RASA4B: variants seen among roughly 807,000 people sequenced by gnomAD.
RASA4B encodes the protein RAS p21 protein activator 4B.
Under a neutral mutation model 24.2 loss-of-function variants are expected in RASA4B, and 2 were observed. That is an observed-to-expected ratio of 0.08 (90% confidence interval 0.03 to 0.26). The LOEUF is 0.26. Ranked by LOEUF, RASA4B falls within the 10% of genes least tolerant of loss-of-function variation. RASA4B has a pLI of 1.00. For missense variants in RASA4B, 8 were observed against 277.2 expected (o/e 0.03, Z 6.90); for synonymous variants, 2 against 125.6 (o/e 0.02, Z 6.58).
intron 18 of RASA4B, among the ~76,000 whole-genome samples, chr7:102,487,418 A>G (rs1798761421): frequency 9.2e-5 from 2 of 21,794 alleles, no homozygotes; most frequent in Admixed American, 1.6e-3. Flanking sequence ...CCTCTATGCC[A>G]TCCCTCTAGT....
chr7:102,499,192 A>AG (rs1409912926), intron 8 of RASA4B, among the ~76,000 whole-genome samples: 2 of 88,060 alleles, frequency 2.3e-5, no homozygotes, highest in African/African-American at 3.0e-5. Context: ...CTCAAAAAAA[A>AG]AATATATATA....
chr7:102,502,694 A>T (rs1799362491), intron 6 of RASA4B, among the ~76,000 whole-genome samples: 2 of 127,694 alleles, frequency 1.6e-5, no homozygotes, highest in African/African-American at 5.1e-5. Context: ...GGGAAGGCAG[A>T]GCCTGCAGTG....
At chr7:102,485,955 A>AG (rs1798714164) in intron 18 of RASA4B, among the ~76,000 whole-genome samples, 4 of 149,514 alleles carry the variant, frequency 2.7e-5, no homozygotes, top group African/African-American at 7.3e-5. Context: ...CTCTTGGGCC[A>AG]GGGTGGGTCC....
At chr7:102,491,517 C>T (rs1798943369) in intron 16 of RASA4B, among the ~76,000 whole-genome samples, 1 of 56,516 alleles carries the variant, frequency 1.8e-5, no homozygotes, top group African/African-American at 3.0e-5. Flanking sequence ...CATGTAATCC[C>T]AGCATTTTGG....
At chr7:102,513,295 C>T (rs1471689770) in intron 1 of RASA4B, among the ~76,000 whole-genome samples, 1 of 148,978 alleles carries the variant, frequency 6.7e-6, no homozygotes, top group Non-Finnish European at 1.5e-5. Context: ...TACCTGGGGG[C>T]GGGGAGCATG....
chr7:102,504,428 CTT>C (rs1237744811), intron 5 of RASA4B, among the ~76,000 whole-genome samples: 1 of 115,000 alleles, frequency 8.7e-6, no homozygotes, highest in African/African-American at 2.9e-5. Context: ...ACTTAGAACT[CTT>C]TGTGGAAGAA....
chr7:102,495,655 TG>T (rs1176981707), intron 11 of RASA4B, among the ~76,000 whole-genome samples: 1 of 22,220 alleles, frequency 4.5e-5, no homozygotes, highest in African/African-American at 1.3e-4. Context: ...GAGACCAGCC[TG>T]GGCAACATAG....
Position 102,480,980 on chromosome 7 carries a change from T to C in RASA4B, c.*2612A>G, listed in dbSNP as rs4729794. The stretch of plus-strand genomic sequence containing the variant: ...TAATTCCAATCATCCTATAGTTGAT[T>C]AGTGTTCAAATTTCCAATTGCCTCA... On this transcript the variant is annotated 3_prime_UTR_variant, in exon 21 of 21. Coordinates refer to ENST00000465829, the MANE Select transcript of RASA4B (RefSeq NM_001367767.2). 6.0e-3 allele frequency among the ~76,000 whole-genome samples: 542 copies of C among 90,404 alleles called. 92 individuals are homozygous for C. Among genetic ancestry groups the C allele is most frequent in the African/African-American group, 0.014 (440 of 31,922 alleles). 59.3% of individuals were successfully genotyped at this position (90,404 alleles called of 152,430 possible). A position where few individuals can be genotyped will look rare whatever the true frequency, so the allele number is the denominator to read the frequency against.
intron 4 of RASA4B, among the ~76,000 whole-genome samples, chr7:102,508,969 G>C (rs1232789895): frequency 7.2e-6 from 1 of 138,642 alleles, no homozygotes; most frequent in African/African-American, 2.6e-5. Context: ...ACCACGCCCA[G>C]CTAATTTTTT....
At chr7:102,514,986 C>G (rs1228373721) in intron 1 of RASA4B, among the ~76,000 whole-genome samples, 3 of 120,900 alleles carry the variant, frequency 2.5e-5, no homozygotes, top group Non-Finnish European at 5.9e-5. Flanking sequence ...GAATAAAAAC[C>G]CATGAGTAGA....
In RASA4B at chr7:102,481,665, CAAAAAAA is replaced by C. The variant is rs553740659; in HGVS notation, c.*1920_*1926del. Among the ~76,000 whole-genome samples, 1 of 35,924 alleles carries C rather than the reference CAAAAAAA, an allele frequency of 2.8e-5. No homozygotes were observed. Among genetic ancestry groups the C allele is most frequent in the African/African-American group, 7.5e-5 (1 of 13,360 alleles). 23.6% of individuals were successfully genotyped at this position (35,924 alleles called of 152,430 possible). ...TGGGCAACACAGTGAGACTCTGTCT[CAAAAAAA>C]AAAAAAAAAAAAATTATAAAGTTCC... On this transcript the variant is annotated 3_prime_UTR_variant, in exon 21 of 21. Coordinates refer to ENST00000465829, the MANE Select transcript of RASA4B (RefSeq NM_001367767.2).
intron 8 of RASA4B, among the ~76,000 whole-genome samples, chr7:102,500,239 G>A (rs1460069298): frequency 2.6e-5 from 2 of 76,838 alleles, no homozygotes; most frequent in Admixed American, 1.5e-4. Flanking sequence ...TGGGGAGGCC[G>A]AGGCGGGTGG....
intron 1 of RASA4B, among the ~76,000 whole-genome samples, chr7:102,513,194 C>CAGGAT (rs1799765631): frequency 7.1e-6 from 1 of 140,006 alleles, no homozygotes; most frequent in Non-Finnish European, 1.6e-5. Flanking sequence ...GGCCCCAGGA[C>CAGGAT]GGGACGGGGA....
chr7:102,512,782 CTGAG>C (rs1295291657), intron 1 of RASA4B, among the ~76,000 whole-genome samples: 322 of 131,910 alleles, frequency 2.4e-3, no homozygotes, highest in African/African-American at 7.8e-3. Flanking sequence ...GAGGGGGAGA[CTGAG>C]TGAGGGGGTG....
At position 102,480,073 on chromosome 7, in the gene RASA4B, G is replaced by A. The variant is rs1051693623; in HGVS notation, c.*3519C>T. Among the ~76,000 whole-genome samples the A allele has an allele frequency of 6.6e-6, 1 of 152,054 alleles. No individual in the cohort carries two copies. The highest frequency in any genetic ancestry group is 2.4e-5 in the African/African-American group (1 of 41,412). On this transcript the variant is annotated 3_prime_UTR_variant, in exon 21 of 21. Transcript: ENST00000465829. ...GCCATACAGAGATAGGAGCTGAGGGGACAATGAGGAGTGACCAGAAGACAA... is the reference window on the plus strand; with the variant it reads ...GCCATACAGAGATAGGAGCTGAGGGAACAATGAGGAGTGACCAGAAGACAA...
chr7:102,490,845 A>T (rs1798913737), intron 17 of RASA4B, 141 bp downstream of exon 17: 1 of 422,926 alleles, frequency 2.4e-6, no homozygotes, highest in African/African-American at 2.3e-5. Context: ...ACTCCCATAG[A>T]GCTCAGGCCT....
intron 5 of RASA4B, among the ~76,000 whole-genome samples, chr7:102,504,714 A>C (rs1482829945): frequency 3.8e-3 from 558 of 146,712 alleles, no homozygotes; most frequent in Admixed American, 0.011. Flanking sequence ...AAAAAAAAAA[A>C]ACAGCCCGGG....
chr7:102,508,567 T>TCAAGCGATTCTCCTGCCTC (rs1799599802), intron 4 of RASA4B, among the ~76,000 whole-genome samples: 1 of 75,990 alleles, frequency 1.3e-5, no homozygotes, highest in Non-Finnish European at 2.9e-5. Context: ...CCTCCTGGAT[T>TCAAGCGATTCTCCTGCCTC]CAAGCGATTC....
At chr7:102,511,556 G>A (rs1799697173) in intron 2 of RASA4B, among the ~76,000 whole-genome samples, 1 of 100,646 alleles carries the variant, frequency 9.9e-6, no homozygotes, top group Non-Finnish European at 2.2e-5. Context: ...TTCCTTGTCT[G>A]TAAATGGGGT....
Sources: gnomAD v4.1 joint callset for allele counts (sites outside exome capture counted in the v4.1 genomes callset) on GRCh38, gnomAD v4.1.1 for gene constraint, MANE v1.5 for transcripts, NCBI Gene and HGNC (gene_info 2026-07-23, HGNC 2026-07-21) for gene names.